MOV10: variants seen among roughly 807,000 people sequenced by gnomAD.
MOV10 encodes Mov10 RNA helicase.
MOV10 carries 39 observed loss-of-function variants against 108.4 expected under a neutral mutation model. The ratio of observed to expected loss-of-function variants is 0.36; its 90% CI spans 0.28 to 0.47. MOV10 has a LOEUF of 0.47. Ranked by LOEUF, MOV10 falls within the 20% of genes least tolerant of loss-of-function variation. The probability of loss-of-function intolerance (pLI) is 1.00; values close to 1 mark genes in which losing one functional copy is unlikely to be tolerated. For synonymous variants in MOV10, 490 were observed against 523.1 expected (o/e 0.94, Z 0.86); for missense variants, 952 against 1,297.6 (o/e 0.73, Z 4.09).
In MOV10 at chr1:112,700,502, C is replaced by T. The variant is rs781044244; in HGVS notation, c.3007C>T (p.Leu1003Phe). The T allele has an allele frequency of 1.9e-6, 3 of 1,613,274 alleles. No homozygotes were observed. Among genetic ancestry groups the T allele is most frequent in the Admixed American group, 3.3e-5 (2 of 59,908 alleles). The change falls in exon 21 of 21, where the codon CTC becomes TTC. Residue 1003 changes from leucine to phenylalanine, a missense_variant. This residue lies in a region of MOV10 where 42 missense variants were observed against 36.5 expected (regional missense o/e 1.15). Coordinates refer to ENST00000369645, the MANE Select transcript of MOV10 (RefSeq NM_001321324.2). ...AGTGGAGCCAGAGTGGAGGAATGAG[C>T]TCTGAAGACACAGCACCCAGCCTTC... ...LQVEPEWRNEL is the reference protein window; with the variant it reads ...LQVEPEWRNEF
intron 5 of MOV10, among the ~76,000 whole-genome samples, chr1:112,690,845 T>C (rs1673515220): frequency 6.6e-6 from 1 of 152,214 alleles, no homozygotes; most frequent in South Asian, 2.1e-4. Flanking sequence ...CCACCCACTT[T>C]GTTCAGCCCT....
rs1440692548 is a variant in MOV10, at chr1:112,693,878, C to T, written c.1141-140C>T. 5.7e-5 allele frequency: 37 copies of T among 647,078 alleles called. No individual in the cohort carries two copies. In the Middle Eastern group the frequency reaches 2.2e-3, roughly 38 times the overall value. The allele number at this position is 647,078 out of a possible 1,614,324, so 40.1% of individuals were successfully genotyped here. ...GCTGGTATGAAAGGAAAGAGGGGTG[C>T]AGGGATAGCATAACTCCCTGAGTCT... On this transcript the variant is annotated intron_variant, in intron 7 of 20. Coordinates refer to ENST00000369645, the MANE Select transcript of MOV10 (RefSeq NM_001321324.2).
chr1:112,699,867 C>G (rs745912154), intron 18 of MOV10, 27 bp from the exon 19 acceptor site: 2 of 1,614,144 alleles, frequency 1.2e-6, no homozygotes, highest in East Asian at 4.5e-5. Flanking sequence ...TCTTCCCTCC[C>G]ATGACCACAC....
At chr1:112,684,414 C>G (rs1246595412) in intron 2 of MOV10, among the ~76,000 whole-genome samples, 1 of 151,752 alleles carries the variant, frequency 6.6e-6, no homozygotes, top group Admixed American at 6.6e-5. Context: ...ATTAGAGGTG[C>G]CTGCCACCAT....
chr1:112,687,320 A>T (rs1230464293), intron 2 of MOV10, among the ~76,000 whole-genome samples: 1 of 152,238 alleles, frequency 6.6e-6, no homozygotes, highest in African/African-American at 2.4e-5. Context: ...GCAGAGTTAC[A>T]GGCAGCAGGC....
chr1:112,698,283 C>T lies in MOV10; in HGVS notation c.2317-4C>T, dbSNP rs2101427355. ...CTGACGGTTTCCCCCGACCCCATGT[C>T]CAGGGCTTTCCCATCATCTTTCACG... is the stretch of plus-strand genomic sequence containing the variant. On this transcript the variant is annotated splice_polypyrimidine_tract_variant and splice_region_variant and intron_variant, in intron 15 of 20. Coordinates refer to ENST00000369645, the MANE Select transcript of MOV10 (RefSeq NM_001321324.2). The T allele has an allele frequency of 6.2e-7, 1 of 1,612,608 alleles. No individual in the cohort carries two copies. The highest frequency in any genetic ancestry group is 8.5e-7 in the Non-Finnish European group (1 of 1,178,968).
chr1:112,694,590 C>T lies in MOV10; in HGVS notation c.1433C>T (p.Pro478Leu), dbSNP rs200051144. ...TGGCCCATGCTCTTTCCTGTGGCAC[C>T]TCGGGACGTCCCGCTGCTGCCCTCA... ...LLWPMLFPVA[P>L]RDVPLLPSDV... is the part of the protein sequence containing the mutation. Residue 478 changes from proline (P) to leucine (L), a missense_variant, in exon 9 of 21, where the codon CCT becomes CTT. Transcript: ENST00000369645. This position sits in a 1 kb window ranked among gnomAD's most constrained non-coding sequence, Gnocchi z 4.1. 1.7e-4 allele frequency: 266 copies of T among 1,611,718 alleles called. 1 individual carries two copies. Among genetic ancestry groups the T allele is most frequent in the Middle Eastern group, 5.0e-4 (3 of 6,054 alleles).
intron 2 of MOV10, among the ~76,000 whole-genome samples, chr1:112,683,520 G>A (rs1453662236): frequency 6.6e-6 from 1 of 152,026 alleles, no homozygotes; most frequent in Non-Finnish European, 1.5e-5. Context: ...TAATTTTTTT[G>A]TAGAAACAGG....
In MOV10 at chr1:112,698,043, G is replaced by T; in HGVS notation, c.2248G>T (p.Glu750Ter). 6.2e-7 allele frequency: 1 copy of T among 1,614,216 alleles called. No individual in the cohort carries two copies. Among genetic ancestry groups the T allele is most frequent in the Non-Finnish European group, 8.5e-7 (1 of 1,180,034 alleles). Residue 750 changes from glutamate (E) to a stop codon, truncating the protein, a stop_gained, in exon 15 of 21, where the codon GAG becomes TAG. Transcript: ENST00000369645. LOFTEE classifies it high-confidence loss of function. ...TCCTAACCAGCTCTATTATGAAGGG[G>T]AGCTGCAGGCCTGTGCTGATGTCGT... ...DIPNQLYYEG[E>*]LQACADVVDR...
chr1:112,692,520 A>G (rs1673673079), intron 6 of MOV10, among the ~76,000 whole-genome samples: 1 of 152,148 alleles, frequency 6.6e-6, no homozygotes. Context: ...TGGCCATAAG[A>G]GCCACCATGC....
chr1:112,676,849 C>T (rs1390933693), intron 2 of MOV10, among the ~76,000 whole-genome samples: 2 of 152,028 alleles, frequency 1.3e-5, no homozygotes, highest in African/African-American at 4.8e-5. Context: ...AAGGGCTAGT[C>T]AAAAAGAGGG....
In MOV10 at chr1:112,700,671, C is replaced by T. The variant is rs550656913; in HGVS notation, c.*164C>T. 81 of 1,533,034 alleles carry T rather than the reference C, an allele frequency of 5.3e-5. 2 individuals carry two copies. In the South Asian group the frequency reaches 9.9e-4, roughly 19 times the overall value. The allele number at this position is 1,533,034 out of a possible 1,614,324, so 95.0% of individuals were successfully genotyped here. A position where few individuals can be genotyped will look rare whatever the true frequency, so the allele number is the denominator to read the frequency against. ...TCCCCTGCTGGGGAGAATGACACATCAAGCTGCTAACAATTGGGGGAAGGG... is the reference window on the plus strand; with the variant it reads ...TCCCCTGCTGGGGAGAATGACACATTAAGCTGCTAACAATTGGGGGAAGGG... On this transcript the variant is annotated 3_prime_UTR_variant, in exon 21 of 21. Transcript: ENST00000369645.
Position 112,694,092 on chromosome 1 carries a change from A to C in MOV10, c.1215A>C (p.Thr405=). The C allele has an allele frequency of 6.2e-7, 1 of 1,613,998 alleles. No individual in the cohort carries two copies. The highest frequency in any genetic ancestry group is 8.5e-7 in the Non-Finnish European group (1 of 1,179,950). The change falls in exon 8 of 21, where the codon ACA becomes ACC. Residue 405 remains threonine (T), a synonymous_variant. Coordinates refer to ENST00000369645, the MANE Select transcript of MOV10 (RefSeq NM_001321324.2). The surrounding 1 kb of genome is among the most constrained non-coding windows in gnomAD (Gnocchi z 4.1). The stretch of plus-strand genomic sequence containing the variant: ...TGTTTGCCCTTTTGTCCTCGGAGAC[A>C]CACCAGGAGGACCCCATCACATATA... ...DHLFALLSSE[T]HQEDPITYKG... is the part of the protein sequence containing the mutation.
chr1:112,691,650 C>G lies in MOV10; in HGVS notation c.837-15C>G. ...GGTGAGGGGTTTTCTGTGTTTTCTT[C>G]CCTCGATTCTGCAGCGCTAAGGGCT... is the stretch of plus-strand genomic sequence containing the variant. On this transcript the variant is annotated splice_polypyrimidine_tract_variant and intron_variant, in intron 5 of 20. Coordinates refer to ENST00000369645, the MANE Select transcript of MOV10 (RefSeq NM_001321324.2). 1 of 1,610,670 alleles carries G rather than the reference C, an allele frequency of 6.2e-7. No homozygotes were observed. The highest frequency in any genetic ancestry group is 8.5e-7 in the Non-Finnish European group (1 of 1,177,570).
intron 2 of MOV10, among the ~76,000 whole-genome samples, chr1:112,685,841 C>A (rs1673042836): frequency 1.3e-5 from 2 of 151,992 alleles, no homozygotes; most frequent in Admixed American, 1.3e-4. Context: ...TGATGAGAGA[C>A]ATAGAGAATA....
Position 112,675,659 on chromosome 1 carries a change from A to T in MOV10, c.137+610A>T, listed in dbSNP as rs992493210. On this transcript the variant is annotated intron_variant, in intron 2 of 20. Coordinates refer to ENST00000369645, the MANE Select transcript of MOV10 (RefSeq NM_001321324.2). This position sits in a 1 kb window ranked among gnomAD's most constrained non-coding sequence, Gnocchi z 4.7. ...ACCTGTGGCTTCTCCATGGAGACCC[A>T]GGGGCAGAGCCAGCCTTCTGGAGGC... 4.6e-5 allele frequency among the ~76,000 whole-genome samples: 7 copies of T among 152,242 alleles called. No individual in the cohort carries two copies. Among genetic ancestry groups the T allele is most frequent in the Non-Finnish European group, 8.8e-5 (6 of 68,038 alleles).
chr1:112,700,006 C>T (rs369191394), intron 19 of MOV10, 24 bp downstream of exon 19: 1 of 1,613,492 alleles, frequency 6.2e-7, no homozygotes, highest in African/African-American at 1.3e-5. Flanking sequence ...CCCCATTCTC[C>T]CTCTTAGTGG....
chr1:112,696,115 A>G (rs1237035953), intron 11 of MOV10, 33 bp from the exon 12 acceptor site: 3 of 1,465,834 alleles, frequency 2.0e-6, no homozygotes. Context: ...AGTGGAGCCA[A>G]GCTGATTCCT....
At chr1:112,676,392 A>G (rs1488480461) in intron 2 of MOV10, among the ~76,000 whole-genome samples, 1 of 152,242 alleles carries the variant, frequency 6.6e-6, no homozygotes. Context: ...CTATATCCAC[A>G]GAGTACAACA....
Sources: allele counts gnomAD v4.1 joint callset (sites outside exome capture counted in the v4.1 genomes callset), GRCh38; gene constraint gnomAD v4.1.1; regional missense constraint gnomAD v4.1.1; non-coding constraint Gnocchi (gnomAD v3.1); transcripts MANE v1.5; gene names NCBI Gene and HGNC (gene_info 2026-07-23, HGNC 2026-07-21).